Variants in MAD1L1 observed in about 807,000 individuals in gnomAD.
MAD1L1 encodes mitotic arrest deficient 1 like 1.
In MAD1L1, 95 loss-of-function variants were observed where a neutral mutation model predicts 96.9. The observed-to-expected ratio is 0.98, with a 90% CI of 0.83 to 1.16. The LOEUF (loss-of-function observed/expected upper bound fraction) is 1.16, where lower values mean the gene tolerates loss of function less well. MAD1L1 is among the 50% of genes most tolerant of loss of function. The probability of loss-of-function intolerance (pLI) is 0.00; values close to 1 mark genes in which losing one functional copy is unlikely to be tolerated. For synonymous variants in MAD1L1, 473 were observed against 396.6 expected (o/e 1.19, Z -2.29); for missense variants, 1,007 against 954.4 (o/e 1.06, Z -0.73).
chr7:1,938,078 C>T (rs1486712064), intron 16 of MAD1L1, among the ~76,000 whole-genome samples: 8 of 510 alleles, frequency 0.016, no homozygotes, highest in Admixed American at 0.037. Context: ...GGTGCAGGGT[C>T]ACTGCGCACC....
intron 16 of MAD1L1, among the ~76,000 whole-genome samples, chr7:1,943,615 C>A (rs757859063): frequency 6.6e-6 from 1 of 152,156 alleles, no homozygotes; most frequent in Non-Finnish European, 1.5e-5. Context: ...CGCAACAACA[C>A]GTTGGTGAGG....
At chr7:2,037,816 C>G (rs1445933494) in intron 12 of MAD1L1, among the ~76,000 whole-genome samples, 1 of 152,118 alleles carries the variant, frequency 6.6e-6, no homozygotes, top group Non-Finnish European at 1.5e-5. Flanking sequence ...GGCGACACAA[C>G]AGTATTAAAA....
intron 10 of MAD1L1, among the ~76,000 whole-genome samples, chr7:2,173,828 T>G (rs887623964): frequency 2.0e-5 from 3 of 152,218 alleles, no homozygotes; most frequent in Admixed American, 6.5e-5. Context: ...AGATAGGGTC[T>G]CACTCTGCCA....
intron 18 of MAD1L1, among the ~76,000 whole-genome samples, chr7:1,856,000 T>C (rs1784230901): frequency 6.6e-6 from 1 of 152,152 alleles, no homozygotes; most frequent in African/African-American, 2.4e-5. Flanking sequence ...GGGGAGGCAC[T>C]TCCTCGCGGT....
chr7:1,883,481 G>A (rs1785814521), intron 18 of MAD1L1, among the ~76,000 whole-genome samples: 2 of 152,312 alleles, frequency 1.3e-5, no homozygotes, highest in South Asian at 4.1e-4. Flanking sequence ...CCATTTCCAT[G>A]GGAATCAGCC....
intron 18 of MAD1L1, among the ~76,000 whole-genome samples, chr7:1,889,941 C>T (rs1403838602): frequency 6.6e-6 from 1 of 152,222 alleles, no homozygotes; most frequent in Non-Finnish European, 1.5e-5. Context: ...GGGCTCTGGG[C>T]CCCAGGCTGG....
chr7:2,148,484 T>A (rs1789418645), intron 11 of MAD1L1: 1 of 152,544 alleles, frequency 6.6e-6, no homozygotes, highest in African/African-American at 2.4e-5. Flanking sequence ...CAAGGAGGCA[T>A]AAGGGGCCCT....
intron 18 of MAD1L1, among the ~76,000 whole-genome samples, chr7:1,890,392 G>A (rs1340454084): frequency 6.6e-6 from 1 of 152,100 alleles, no homozygotes; most frequent in Non-Finnish European, 1.5e-5. Context: ...AAGGAGCCTG[G>A]CACCCCACCC....
chr7:2,143,548 G>T (rs1219202420), intron 11 of MAD1L1, among the ~76,000 whole-genome samples: 2 of 151,524 alleles, frequency 1.3e-5, no homozygotes, highest in African/African-American at 2.4e-5. Flanking sequence ...AGAAAACATG[G>T]TGATATCCAC....
intron 12 of MAD1L1, among the ~76,000 whole-genome samples, chr7:2,042,238 C>T (rs12673687): frequency 0.35 from 52,793 of 150,736 alleles, 10,117 homozygotes; most frequent in African/African-American, 0.52. Context: ...CAAGCGCATG[C>T]GCACACGTAC....
At chr7:2,180,080 C>T (rs1468030098) in intron 10 of MAD1L1, among the ~76,000 whole-genome samples, 2 of 152,324 alleles carry the variant, frequency 1.3e-5, no homozygotes, top group Middle Eastern at 3.4e-3. Flanking sequence ...ACCACTTCAA[C>T]ATCACAAATG....
intron 12 of MAD1L1, among the ~76,000 whole-genome samples, chr7:2,038,525 T>TTTTTTTTTTG: frequency 8.2e-6 from 1 of 121,712 alleles, no homozygotes; most frequent in Admixed American, 8.4e-5. Flanking sequence ...TTTTTTTTTT[T>TTTTTTTTTTG]TGAGACACAG....
chr7:2,096,006 G>A (rs550757601), intron 11 of MAD1L1, among the ~76,000 whole-genome samples: 13 of 152,378 alleles, frequency 8.5e-5, no homozygotes, highest in Admixed American at 3.3e-4. Context: ...CCTCAGGGTC[G>A]TTAGAATCGG....
In MAD1L1 at chr7:2,104,418, G is replaced by A. The variant is rs555302461; in HGVS notation, c.1074-35080C>T. Among the ~76,000 whole-genome samples the A allele has an allele frequency of 3.3e-5, 5 of 152,346 alleles. No homozygotes were observed. In the East Asian group the frequency reaches 9.6e-4, roughly 29 times the overall value. ...GGGACGCAGTCTGGCATGTGGAGGC[G>A]GCCTGTTGCGTCAGATCCCTGACCC... On this transcript the variant is annotated intron_variant, in intron 11 of 18. Transcript: ENST00000265854.
rs559188410 is a variant in MAD1L1 at position 1,904,734 on chromosome 7, T to C, written c.1808-6344A>G. Reference sequence around the variant, plus strand: ...GAAGACGCTCTTGCGGAACTCATGATTGATCAATCACTGTTCCAGGCAGCA... The same window carrying C: ...GAAGACGCTCTTGCGGAACTCATGACTGATCAATCACTGTTCCAGGCAGCA... On this transcript the variant is annotated intron_variant, in intron 17 of 18. Coordinates refer to ENST00000265854, the MANE Select transcript of MAD1L1 (RefSeq NM_001013836.2). 3.7e-4 allele frequency among the ~76,000 whole-genome samples: 47 copies of C among 127,484 alleles called. 7 individuals carry two copies. Among genetic ancestry groups the C allele is most frequent in the Admixed American group, 1.0e-3 (14 of 13,620 alleles). 83.6% of individuals were successfully genotyped at this position (127,484 alleles called of 152,430 possible).
At chr7:1,847,763 C>A (rs762709218) in intron 18 of MAD1L1, 2 of 465,718 alleles carry the variant, frequency 4.3e-6, no homozygotes, top group Non-Finnish European at 8.8e-6. Context: ...ACACTTGCTG[C>A]GTGCTGTGTA....
At chr7:2,219,276 G>T in intron 6 of MAD1L1, 56 bp downstream of exon 6, 1 of 1,490,000 alleles carries the variant, frequency 6.7e-7, no homozygotes, top group Non-Finnish European at 9.0e-7. Flanking sequence ...AGAGAGGTGG[G>T]ACGCATGCCC....
intron 17 of MAD1L1, among the ~76,000 whole-genome samples, chr7:1,898,642 C>CT (rs1787048025): frequency 6.6e-6 from 1 of 152,296 alleles, no homozygotes; most frequent in African/African-American, 2.4e-5. Context: ...AACGGTAACT[C>CT]TGAGAGCCAG....
chr7:2,145,522 A>G (rs1789252523), intron 11 of MAD1L1, among the ~76,000 whole-genome samples: 1 of 152,248 alleles, frequency 6.6e-6, no homozygotes, highest in East Asian at 1.9e-4. Flanking sequence ...AAAGGGGTCA[A>G]AACTATAGCT....
Sources: gnomAD v4.1 joint callset for allele counts (sites outside exome capture counted in the v4.1 genomes callset) on GRCh38, gnomAD v4.1.1 for gene constraint, MANE v1.5 for transcripts, NCBI Gene and HGNC (gene_info 2026-07-23, HGNC 2026-07-21) for gene names.